Variants in ERC2 observed in about 807,000 individuals in gnomAD.
The protein encoded by ERC2 is ELKS/RAB6-interacting/CAST family member 2.
ERC2 carries 42 observed loss-of-function variants against 114.8 expected under a neutral mutation model. The observed-to-expected ratio is 0.37, with a 90% CI of 0.29 to 0.47. The LOEUF (loss-of-function observed/expected upper bound fraction) is 0.47, where lower values mean the gene tolerates loss of function less well. ERC2 is among the 20% of genes least tolerant of loss of function. ERC2 has a pLI of 0.99. For synonymous variants in ERC2, 454 were observed against 425.5 expected (o/e 1.07, Z -0.82); for missense variants, 939 against 1,150.7 (o/e 0.82, Z 2.66).
chr3:55,952,158 C>CAG lies in ERC2; in HGVS notation c.2268-1599_2268-1598insCT, dbSNP rs1449309932. Reference sequence around the variant, plus strand: ...TAAAACACACACACACACACACACACACACACACACACACACACACACTCT... The same window carrying CAG: ...TAAAACACACACACACACACACACACAGACACACACACACACACACACACTCT... On this transcript the variant is annotated intron_variant, in intron 12 of 17. Transcript: ENST00000288221. Among the ~76,000 whole-genome samples, 729 of 59,946 alleles carry CAG rather than the reference C, an allele frequency of 0.012. 42 individuals carry two copies. The East Asian group carries it at 0.13, about 11-fold the overall frequency. The allele number at this position is 59,946 out of a possible 152,430, so 39.3% of individuals were successfully genotyped here. A position where few individuals can be genotyped will look rare whatever the true frequency, so the allele number is the denominator to read the frequency against.
chr3:56,193,196 T>C (rs914692150), intron 3 of ERC2, among the ~76,000 whole-genome samples: 1 of 152,150 alleles, frequency 6.6e-6, no homozygotes, highest in African/African-American at 2.4e-5. Flanking sequence ...TAAGAAAATA[T>C]AAACCGTGTG....
intron 17 of ERC2, among the ~76,000 whole-genome samples, chr3:55,600,333 C>G (rs28605909): frequency 0.031 from 4,737 of 152,224 alleles, 256 homozygotes; most frequent in African/African-American, 0.11. Context: ...AATAATCTGG[C>G]ACAATTGTTG....
At chr3:56,010,737 G>C in intron 8 of ERC2, 148 bp from the exon 9 acceptor site, 1 of 892,706 alleles carries the variant, frequency 1.1e-6, no homozygotes, top group Non-Finnish European at 1.7e-6. Context: ...GATTCGTGGG[G>C]AGGCTGTGCA....
At chr3:55,655,572 C>T (rs759177028) in intron 17 of ERC2, among the ~76,000 whole-genome samples, 2 of 152,222 alleles carry the variant, frequency 1.3e-5, no homozygotes, top group South Asian at 2.1e-4. Flanking sequence ...CTGAAGCTGA[C>T]TTGTGATGCC....
chr3:56,378,820 C>T (rs944352800), intron 2 of ERC2, among the ~76,000 whole-genome samples: 2 of 152,214 alleles, frequency 1.3e-5, no homozygotes, highest in Non-Finnish European at 2.9e-5. Context: ...GACACCTCCA[C>T]TGCAACAGAG....
intron 7 of ERC2, among the ~76,000 whole-genome samples, chr3:56,055,388 C>A (rs1450976858): frequency 6.6e-6 from 1 of 152,126 alleles, no homozygotes; most frequent in Non-Finnish European, 1.5e-5. Context: ...TTCCTCCCTT[C>A]CAAGGAGTGA....
chr3:55,876,840 A>C (rs1162333249), intron 14 of ERC2, among the ~76,000 whole-genome samples: 1 of 152,200 alleles, frequency 6.6e-6, no homozygotes, highest in Non-Finnish European at 1.5e-5. Flanking sequence ...GAACTGTGTC[A>C]ATTCCACTGG....
intron 15 of ERC2, among the ~76,000 whole-genome samples, chr3:55,716,451 A>G (rs2064126537): frequency 6.6e-6 from 1 of 152,230 alleles, no homozygotes; most frequent in East Asian, 1.9e-4. Flanking sequence ...GAAAACCACA[A>G]GTGGGATCAG....
intron 17 of ERC2, among the ~76,000 whole-genome samples, chr3:55,557,695 C>T (rs1039542187): frequency 2.0e-5 from 3 of 152,258 alleles, no homozygotes; most frequent in African/African-American, 7.2e-5. Context: ...CCAGTCAAAA[C>T]CTTACATGGT....
intron 7 of ERC2, among the ~76,000 whole-genome samples, chr3:56,071,277 G>T (rs557730491): frequency 6.6e-6 from 1 of 152,314 alleles, no homozygotes; most frequent in East Asian, 1.9e-4. Context: ...TAGGGACATG[G>T]AAAGAAGGAA....
At chr3:55,903,798 A>G (rs1475870981) in intron 13 of ERC2, among the ~76,000 whole-genome samples, 1 of 152,242 alleles carries the variant, frequency 6.6e-6, no homozygotes, top group Non-Finnish European at 1.5e-5. Context: ...CATGGAGGCC[A>G]GGGCTGTCAG....
intron 3 of ERC2, among the ~76,000 whole-genome samples, chr3:56,186,114 T>TAAAAAAAAAAAAAAAAAAA (rs201544979): frequency 2.0e-4 from 21 of 102,536 alleles, no homozygotes; most frequent in Non-Finnish European, 2.9e-4. Flanking sequence ...TCAAGAACCT[T>TAAAAAAAAAAAAAAAAAAA]AAAAAAAAAA....
chr3:55,656,395 A>G (rs2060867845), intron 17 of ERC2, among the ~76,000 whole-genome samples: 1 of 152,118 alleles, frequency 6.6e-6, no homozygotes, highest in Non-Finnish European at 1.5e-5. Context: ...TGGCTCAAGT[A>G]ATCCTCCCAC....
chr3:55,666,526 G>A (rs898497136), intron 17 of ERC2, among the ~76,000 whole-genome samples: 1 of 152,164 alleles, frequency 6.6e-6, no homozygotes, highest in African/African-American at 2.4e-5. Flanking sequence ...TCAAATCCAG[G>A]AATGACATGT....
chr3:56,439,341 G>C (rs1248902236), intron 1 of ERC2, among the ~76,000 whole-genome samples: 1 of 152,188 alleles, frequency 6.6e-6, no homozygotes, highest in African/African-American at 2.4e-5. Flanking sequence ...GCTACTTGGG[G>C]AGAGTGAAGC....
chr3:56,187,726 T>C (rs764254947), intron 3 of ERC2, among the ~76,000 whole-genome samples: 3 of 152,092 alleles, frequency 2.0e-5, no homozygotes, highest in Non-Finnish European at 4.4e-5. Context: ...AGGTAATAAG[T>C]GCTTTACAAA....
intron 1 of ERC2, among the ~76,000 whole-genome samples, chr3:56,441,729 T>C (rs1175139809): frequency 4.6e-5 from 7 of 152,186 alleles, no homozygotes; most frequent in African/African-American, 9.7e-5. Context: ...GTATATTTAG[T>C]GGAGACAGAA....
intron 14 of ERC2, among the ~76,000 whole-genome samples, chr3:55,844,031 A>G (rs2061248360): frequency 6.6e-6 from 1 of 152,244 alleles, no homozygotes; most frequent in Non-Finnish European, 1.5e-5. Flanking sequence ...AAACCATGCC[A>G]AAGTAAACGA....
intron 6 of ERC2, among the ~76,000 whole-genome samples, chr3:56,128,341 T>C (rs1431555599): frequency 1.3e-5 from 2 of 152,198 alleles, no homozygotes; most frequent in African/African-American, 4.8e-5. Context: ...TTGGTATTTA[T>C]TTCTTGTTTA....
Sources: allele counts gnomAD v4.1 joint callset (sites outside exome capture counted in the v4.1 genomes callset), GRCh38; gene constraint gnomAD v4.1.1; transcripts MANE v1.5; gene names NCBI Gene and HGNC (gene_info 2026-07-23, HGNC 2026-07-21).